The following SPIDR variants were observed in gnomAD, a reference collection of about 807,000 sequenced individuals.
The protein encoded by SPIDR is scaffold protein involved in DNA repair, also known as DNA repair-scaffolding protein.
SPIDR carries 93 observed loss-of-function variants against 104.6 expected under a neutral mutation model. The observed-to-expected ratio is 0.89, with a 90% CI of 0.75 to 1.06. The LOEUF is 1.06. Ranked by LOEUF, SPIDR falls within the 50% of genes least tolerant of loss-of-function variation. The pLI is 0.00. For synonymous variants in SPIDR, 431 were observed against 416.9 expected, an observed-to-expected ratio of 1.03 and a Z score of -0.41; for missense variants, 1,154 against 1,111.2, an observed-to-expected ratio of 1.04 and a Z score of -0.55.
chr8:47,352,081 A>G (rs1464814917), intron 5 of SPIDR, among the ~76,000 whole-genome samples: 1 of 152,076 alleles, frequency 6.6e-6, no homozygotes, highest in African/African-American at 2.4e-5. Context: ...GATCGAGACT[A>G]TCCTGGCCAA....
At chr8:47,427,306 G>GTT (rs781864418) in intron 7 of SPIDR, among the ~76,000 whole-genome samples, 1 of 142,754 alleles carries the variant, frequency 7.0e-6, no homozygotes, top group Non-Finnish European at 1.5e-5. Context: ...TTGGGACAGG[G>GTT]TTTTTTTTTT....
At chr8:47,553,947 G>T (rs1486321232) in intron 8 of SPIDR, among the ~76,000 whole-genome samples, 1 of 152,188 alleles carries the variant, frequency 6.6e-6, no homozygotes, top group Non-Finnish European at 1.5e-5. Flanking sequence ...TGTCCTTCCT[G>T]TTTGTTTGTT....
At position 47,599,048 on chromosome 8, in the gene SPIDR, C is replaced by T; in HGVS notation, c.1396C>T (p.Leu466=). 6.2e-7 allele frequency: 1 copy of T among 1,613,036 alleles called. No homozygotes were observed. Among genetic ancestry groups the T allele is most frequent in the South Asian group, 1.1e-5 (1 of 90,890 alleles). ...PTSTPLRDSL[L]DVVESQGAAS... Reference sequence around the variant, plus strand: ...CAGCACTCCCCTGAGGGATTCTCTCCTGGATGTGGTGGAAAGCCAGGGAGC... The same window carrying T: ...CAGCACTCCCCTGAGGGATTCTCTCTTGGATGTGGTGGAAAGCCAGGGAGC... Residue 466 remains leucine, a synonymous_variant, in exon 10 of 20, where the codon CTG becomes TTG. Transcript: ENST00000297423.
intron 8 of SPIDR, among the ~76,000 whole-genome samples, chr8:47,529,784 A>G (rs1301715852): frequency 1.3e-5 from 2 of 152,196 alleles, no homozygotes; most frequent in Non-Finnish European, 2.9e-5. Context: ...AATGAATGAC[A>G]GCAATATTAT....
chr8:47,564,638 C>T (rs944011641), intron 8 of SPIDR, among the ~76,000 whole-genome samples: 1 of 150,978 alleles, frequency 6.6e-6, no homozygotes, highest in African/African-American at 2.4e-5. Context: ...AGAGATCACA[C>T]CACTGCACTC....
chr8:47,261,671 A>G (rs2032366356), intron 1 of SPIDR, among the ~76,000 whole-genome samples: 1 of 152,130 alleles, frequency 6.6e-6, no homozygotes, highest in Admixed American at 6.6e-5. Flanking sequence ...CAAACACAGG[A>G]CCTCCTTTCT....
intron 8 of SPIDR, among the ~76,000 whole-genome samples, chr8:47,503,781 C>G (rs1053724104): frequency 3.9e-5 from 6 of 152,206 alleles, no homozygotes; most frequent in South Asian, 2.1e-4. Flanking sequence ...ACCGGTTGTT[C>G]CTTTCCATGT....
intron 10 of SPIDR, among the ~76,000 whole-genome samples, chr8:47,663,389 C>T (rs2074414895): frequency 1.3e-5 from 2 of 152,226 alleles, no homozygotes; most frequent in South Asian, 4.1e-4. Context: ...TGCCCACTAC[C>T]CTGTACCTAG....
intron 6 of SPIDR, among the ~76,000 whole-genome samples, chr8:47,404,192 A>C (rs2062362170): frequency 6.6e-6 from 1 of 152,232 alleles, no homozygotes; most frequent in African/African-American, 2.4e-5. Flanking sequence ...CCTTATACAA[A>C]AATTAATTCA....
At chr8:47,531,497 A>G (rs570478682) in intron 8 of SPIDR, among the ~76,000 whole-genome samples, 8 of 152,246 alleles carry the variant, frequency 5.3e-5, no homozygotes, top group Non-Finnish European at 8.8e-5. Flanking sequence ...GCTTATAAGC[A>G]GAGAATACAC....
At chr8:47,706,413 A>T (rs1015447549) in intron 14 of SPIDR, among the ~76,000 whole-genome samples, 3 of 152,218 alleles carry the variant, frequency 2.0e-5, no homozygotes, top group Non-Finnish European at 4.4e-5. Flanking sequence ...ACAACAAAAA[A>T]CAAGAAACTG....
intron 11 of SPIDR, among the ~76,000 whole-genome samples, chr8:47,684,412 AGG>A (rs2077490034): frequency 6.6e-6 from 1 of 152,154 alleles, no homozygotes; most frequent in Non-Finnish European, 1.5e-5. Context: ...CTGATCACTG[AGG>A]GGAGAAGCTG....
intron 5 of SPIDR, among the ~76,000 whole-genome samples, chr8:47,328,880 T>A (rs2048159886): frequency 6.6e-6 from 1 of 152,126 alleles, no homozygotes; most frequent in African/African-American, 2.4e-5. Flanking sequence ...TTTGGCAATA[T>A]TTAGTTCTTC....
chr8:47,522,166 C>A (rs2084244923), intron 8 of SPIDR, among the ~76,000 whole-genome samples: 1 of 142,928 alleles, frequency 7.0e-6, no homozygotes. Flanking sequence ...GAGCGAGAGT[C>A]TGTCTCAAAA....
intron 7 of SPIDR, among the ~76,000 whole-genome samples, chr8:47,438,982 C>T (rs941821650): frequency 6.6e-6 from 1 of 152,142 alleles, no homozygotes; most frequent in African/African-American, 2.4e-5. Flanking sequence ...GGTAAAGAAA[C>T]TCATATTAGT....
intron 5 of SPIDR, among the ~76,000 whole-genome samples, chr8:47,313,353 A>C (rs1157775782): frequency 4.6e-5 from 7 of 152,186 alleles, no homozygotes; most frequent in Non-Finnish European, 5.9e-5. Flanking sequence ...CCAAACTTAC[A>C]AGGGACGTGA....
At chr8:47,335,210 C>T in intron 5 of SPIDR, among the ~76,000 whole-genome samples, 1 of 152,140 alleles carries the variant, frequency 6.6e-6, no homozygotes, top group Admixed American at 6.5e-5. Flanking sequence ...TTCATCAGCT[C>T]TTCCTTTCTT....
chr8:47,601,374 G>A (rs971618103), intron 10 of SPIDR, among the ~76,000 whole-genome samples: 1 of 152,198 alleles, frequency 6.6e-6, no homozygotes, highest in Non-Finnish European at 1.5e-5. Context: ...ATCCCAGATG[G>A]CATGGTTGTA....
chr8:47,283,768 C>T (rs2038274384), intron 2 of SPIDR, among the ~76,000 whole-genome samples: 1 of 152,080 alleles, frequency 6.6e-6, no homozygotes, highest in Non-Finnish European at 1.5e-5. Context: ...CAGTTGGAGT[C>T]ACATGTATGA....
Sources: gnomAD v4.1 joint callset for allele counts (sites outside exome capture counted in the v4.1 genomes callset) on GRCh38, gnomAD v4.1.1 for gene constraint, MANE v1.5 for transcripts, NCBI Gene and HGNC (gene_info 2026-07-23, HGNC 2026-07-21) for gene names.